The following NKAIN2 variants were observed in gnomAD, a reference collection of about 807,000 sequenced individuals.
NKAIN2 encodes sodium/potassium transporting ATPase interacting 2.
Under a neutral mutation model 32.6 loss-of-function variants are expected in NKAIN2, and 14 were observed. The ratio of observed to expected loss-of-function variants is 0.43; its 90% CI spans 0.28 to 0.67. The LOEUF is 0.67. NKAIN2 is among the 30% of genes least tolerant of loss of function. The pLI, the probability that NKAIN2 is intolerant of heterozygous loss-of-function variation, is 0.17. For missense variants in NKAIN2, 198 were observed against 258.3 expected (o/e 0.77, Z 1.60); for synonymous variants, 80 against 87.2 (o/e 0.92, Z 0.46).
intron 3 of NKAIN2, among the ~76,000 whole-genome samples, chr6:124,478,504 A>G (rs1053199658): frequency 1.3e-5 from 2 of 152,322 alleles, no homozygotes; most frequent in Admixed American, 1.3e-4. Context: ...AATCACACAC[A>G]CACGTGCATG....
intron 3 of NKAIN2, among the ~76,000 whole-genome samples, chr6:124,418,924 A>G (rs1413001917): frequency 2.0e-5 from 3 of 152,020 alleles, no homozygotes; most frequent in Non-Finnish European, 4.4e-5. Context: ...TTCTCAGGGG[A>G]CTTTACATCT....
chr6:124,012,650 T>A (rs1780390095), intron 1 of NKAIN2, among the ~76,000 whole-genome samples: 1 of 152,168 alleles, frequency 6.6e-6, no homozygotes, highest in South Asian at 2.1e-4. Context: ...TCTTCTTACA[T>A]GCATTAAAAA....
At chr6:124,223,822 A>G (rs1047923971) in intron 1 of NKAIN2, among the ~76,000 whole-genome samples, 43 of 152,204 alleles carry the variant, frequency 2.8e-4, no homozygotes, top group African/African-American at 9.9e-4. Context: ...TGAGATAGTT[A>G]CCACCTATTG....
At chr6:123,982,320 C>T (rs1464442324) in intron 1 of NKAIN2, among the ~76,000 whole-genome samples, 3 of 152,026 alleles carry the variant, frequency 2.0e-5, no homozygotes, top group African/African-American at 7.3e-5. Context: ...TGTGAAGACA[C>T]GCAAAGAGGG....
intron 3 of NKAIN2, among the ~76,000 whole-genome samples, chr6:124,606,602 A>C (rs1202466814): frequency 6.6e-6 from 1 of 152,136 alleles, no homozygotes; most frequent in East Asian, 1.9e-4. Context: ...ACAATTTCAC[A>C]ATTTCTAGTA....
chr6:124,310,524 C>T (rs750678617), intron 2 of NKAIN2, among the ~76,000 whole-genome samples: 1 of 151,882 alleles, frequency 6.6e-6, no homozygotes, highest in African/African-American at 2.4e-5. Flanking sequence ...AATGTACCTC[C>T]CTGGGTTGTG....
intron 2 of NKAIN2, among the ~76,000 whole-genome samples, chr6:124,345,670 C>A (rs1349792452): frequency 6.6e-6 from 1 of 151,754 alleles, no homozygotes; most frequent in African/African-American, 2.4e-5. Flanking sequence ...TCTGTGGGAT[C>A]GGTGATGATA....
At chr6:124,591,871 T>TG (rs1350515249) in intron 3 of NKAIN2, among the ~76,000 whole-genome samples, 3 of 152,046 alleles carry the variant, frequency 2.0e-5, no homozygotes, top group Non-Finnish European at 4.4e-5. Flanking sequence ...ATCTTGTCCT[T>TG]AGAGGGAGTG....
At chr6:123,973,396 G>A (rs1017899549) in intron 1 of NKAIN2, among the ~76,000 whole-genome samples, 1 of 152,078 alleles carries the variant, frequency 6.6e-6, no homozygotes, top group African/African-American at 2.4e-5. Context: ...AACAGGAGAG[G>A]AAAGTGAAGC....
chr6:124,251,384 A>G (rs901681062), intron 1 of NKAIN2, among the ~76,000 whole-genome samples: 1 of 152,004 alleles, frequency 6.6e-6, no homozygotes, highest in Non-Finnish European at 1.5e-5. Context: ...TCATCAAAAT[A>G]TTTATAAAGA....
At chr6:124,763,426 C>T (rs1480591693) in intron 4 of NKAIN2, among the ~76,000 whole-genome samples, 4 of 152,186 alleles carry the variant, frequency 2.6e-5, no homozygotes, top group African/African-American at 9.6e-5. Context: ...ACTTCTTACA[C>T]AGCTGGAGCA....
intron 3 of NKAIN2, among the ~76,000 whole-genome samples, chr6:124,542,593 A>C (rs765715910): frequency 2.0e-5 from 3 of 152,154 alleles, no homozygotes; most frequent in Non-Finnish European, 4.4e-5. Context: ...AGAACAAGGT[A>C]CAGCTTTAAG....
At chr6:124,591,789 T>G (rs568222904) in intron 3 of NKAIN2, among the ~76,000 whole-genome samples, 32 of 152,166 alleles carry the variant, frequency 2.1e-4, no homozygotes, top group African/African-American at 7.0e-4. Flanking sequence ...CTTTGAGATT[T>G]AAAAAAAGGA....
intron 4 of NKAIN2, among the ~76,000 whole-genome samples, chr6:124,698,255 C>G (rs568054069): frequency 6.6e-6 from 1 of 152,238 alleles, no homozygotes; most frequent in East Asian, 1.9e-4. Flanking sequence ...CTTCTTGAGT[C>G]TAGGGTGCCA....
chr6:124,408,711 T>C (rs1427418417), intron 3 of NKAIN2, among the ~76,000 whole-genome samples: 5 of 146,786 alleles, frequency 3.4e-5, no homozygotes, highest in Non-Finnish European at 1.5e-5. Context: ...AACTTTAAAG[T>C]AGTTTTTTCC....
intron 1 of NKAIN2, among the ~76,000 whole-genome samples, chr6:124,009,209 CTGTT>C (rs1780212078): frequency 6.6e-6 from 1 of 152,114 alleles, no homozygotes; most frequent in African/African-American, 2.4e-5. Flanking sequence ...GTCTCTCTCT[CTGTT>C]TGGTCTCTCT....
At chr6:124,625,720 ATTTATTTATTTT>A (rs1200914703) in intron 3 of NKAIN2, among the ~76,000 whole-genome samples, 2 of 151,654 alleles carry the variant, frequency 1.3e-5, no homozygotes, top group East Asian at 3.9e-4. Flanking sequence ...TTATTTATTT[ATTTATTTATTTT>A]TTGGTCTTTT....
chr6:124,378,694 A>G (rs1466659693), intron 3 of NKAIN2, among the ~76,000 whole-genome samples: 1 of 151,984 alleles, frequency 6.6e-6, no homozygotes, highest in South Asian at 2.1e-4. Context: ...CGCTTCCTCC[A>G]CCAGCACTGG....
chr6:124,343,578 T>C (rs1044718413), intron 2 of NKAIN2, among the ~76,000 whole-genome samples: 5 of 152,090 alleles, frequency 3.3e-5, no homozygotes, highest in African/African-American at 7.2e-5. Context: ...TCTCTGATGG[T>C]CAGTGATGAT....
Sources: gnomAD v4.1 joint callset for allele counts (sites outside exome capture counted in the v4.1 genomes callset) on GRCh38, gnomAD v4.1.1 for gene constraint, MANE v1.5 for transcripts, NCBI Gene and HGNC (gene_info 2026-07-23, HGNC 2026-07-21) for gene names.